The following RIPOR2 variants were observed in gnomAD, a reference collection of about 807,000 sequenced individuals.
RIPOR2 encodes RHO family interacting cell polarization regulator 2, also known as rho family-interacting cell polarization regulator 2.
In RIPOR2, 39 loss-of-function variants were observed where a neutral mutation model predicts 114.5. The ratio of observed to expected loss-of-function variants is 0.34; its 90% confidence interval spans 0.26 to 0.44. The LOEUF (loss-of-function observed/expected upper bound fraction) is 0.44. RIPOR2 is among the 20% of genes least tolerant of loss of function. The pLI is 1.00. For missense variants in RIPOR2, 1,007 were observed against 1,255.1 expected (o/e 0.80, Z 2.99); for synonymous variants, 445 against 484.4 (o/e 0.92, Z 1.07).
At chr6:25,016,875 G>GTATA (rs1776030405) in intron 1 of RIPOR2, among the ~76,000 whole-genome samples, 1 of 152,186 alleles carries the variant, frequency 6.6e-6, no homozygotes, top group Non-Finnish European at 1.5e-5. Flanking sequence ...TCCTCTCATT[G>GTATA]TATATATCTT....
intron 1 of RIPOR2, among the ~76,000 whole-genome samples, chr6:25,030,159 G>A (rs1776852365): frequency 6.6e-6 from 1 of 151,920 alleles, no homozygotes; most frequent in South Asian, 2.1e-4. Context: ...TCTTAAATGG[G>A]GGGAAAAGAT....
intron 1 of RIPOR2, among the ~76,000 whole-genome samples, chr6:24,890,837 G>A (rs552753556): frequency 3.3e-5 from 3 of 89,884 alleles, no homozygotes; most frequent in Non-Finnish European, 6.5e-5. Flanking sequence ...AAAATTGTTT[G>A]TAGAAATAGG....
At chr6:24,970,540 C>T (rs9461086) in intron 1 of RIPOR2, among the ~76,000 whole-genome samples, 6 of 152,120 alleles carry the variant, frequency 3.9e-5, no homozygotes, top group South Asian at 2.1e-4. Flanking sequence ...AGGAGGAACC[C>T]GAGAATACGG....
chr6:24,953,809 T>G (rs1466377252), intron 1 of RIPOR2, among the ~76,000 whole-genome samples: 2 of 152,250 alleles, frequency 1.3e-5, no homozygotes, highest in African/African-American at 4.8e-5. Context: ...TACATCTGCA[T>G]GACTGTCTCC....
At chr6:25,029,064 G>A (rs1186413492) in intron 1 of RIPOR2, among the ~76,000 whole-genome samples, 2 of 152,108 alleles carry the variant, frequency 1.3e-5, no homozygotes, top group African/African-American at 4.8e-5. Flanking sequence ...CGAGGCAGGT[G>A]GATCATGAAT....
intron 1 of RIPOR2, among the ~76,000 whole-genome samples, chr6:25,027,668 C>T (rs1277500037): frequency 1.3e-5 from 2 of 152,208 alleles, no homozygotes; most frequent in Non-Finnish European, 2.9e-5. Context: ...AAAGAGGGCC[C>T]CCCTCCCCTC....
intron 15 of RIPOR2, 25 bp from the exon 16 acceptor site, chr6:24,832,416 T>C: frequency 6.4e-7 from 1 of 1,550,936 alleles, no homozygotes. Context: ...AAAACTCCTG[T>C]TTCAATTATG....
rs551563528 is a variant in RIPOR2, at chr6:24,879,994, C to A, written c.62-4177G>T. 3.9e-5 allele frequency among the ~76,000 whole-genome samples: 6 copies of A among 152,208 alleles called. No individual in the cohort carries two copies. The South Asian group carries it at 1.2e-3, about 32-fold the overall frequency. On this transcript the variant is annotated intron_variant, in intron 1 of 21. Transcript: ENST00000643898. ...TGCTCCATTGAACCAAAAGCCTTAA[C>A]CTAAAGAAAGGACTACAGTAGAATT...
At chr6:24,840,208 T>C in intron 13 of RIPOR2, 1 of 979,268 alleles carries the variant, frequency 1.0e-6, no homozygotes, top group Non-Finnish European at 1.2e-6. Context: ...CTTCCCAAAG[T>C]GTTGGGATTA....
At chr6:24,829,308 C>T (rs981796546) in intron 17 of RIPOR2, among the ~76,000 whole-genome samples, 1 of 150,572 alleles carries the variant, frequency 6.6e-6, no homozygotes, top group African/African-American at 2.4e-5. Flanking sequence ...AGCGAGACTC[C>T]ATCTCAAAAT....
intron 1 of RIPOR2, chr6:24,910,439 C>G (rs1769442191): frequency 6.6e-6 from 1 of 152,424 alleles, no homozygotes; most frequent in Non-Finnish European, 1.5e-5. Context: ...CCACCCAGGA[C>G]TCCCATCTGG....
At chr6:24,810,187 T>A (rs1457299971) in intron 20 of RIPOR2, among the ~76,000 whole-genome samples, 1 of 152,122 alleles carries the variant, frequency 6.6e-6, no homozygotes, top group African/African-American at 2.4e-5. Context: ...TAGCTGAGTG[T>A]CTGAAACCCA....
intron 1 of RIPOR2, among the ~76,000 whole-genome samples, chr6:24,961,692 A>G (rs886551098): frequency 1.3e-5 from 2 of 151,222 alleles, no homozygotes; most frequent in South Asian, 2.1e-4. Context: ...CAGTGGCACA[A>G]TCTAAGCTCA....
intron 6 of RIPOR2, among the ~76,000 whole-genome samples, 159 bp from the exon 7 acceptor site, chr6:24,865,609 T>C (rs772581989): frequency 1.3e-5 from 2 of 152,214 alleles, no homozygotes; most frequent in Non-Finnish European, 2.9e-5. Flanking sequence ...GTTTTTATTG[T>C]AGCCACTGTG....
intron 1 of RIPOR2, among the ~76,000 whole-genome samples, chr6:24,877,937 G>C (rs962284952): frequency 1.3e-5 from 2 of 152,184 alleles, no homozygotes; most frequent in Non-Finnish European, 2.9e-5. Context: ...GGTAACTAAA[G>C]GTGACTTAGG....
chr6:24,923,313 A>G (rs576898375), intron 1 of RIPOR2, among the ~76,000 whole-genome samples: 4 of 152,316 alleles, frequency 2.6e-5, no homozygotes, highest in African/African-American at 9.6e-5. Context: ...GCTATTGTGA[A>G]CAATGCTGCT....
intron 1 of RIPOR2, among the ~76,000 whole-genome samples, chr6:24,984,185 G>A (rs1034659806): frequency 9.9e-5 from 15 of 152,210 alleles, no homozygotes; most frequent in Admixed American, 6.5e-4. Flanking sequence ...GTTGTCTCAC[G>A]CGTCCGTGTG....
intron 1 of RIPOR2, chr6:25,023,851 A>G: frequency 2.7e-6 from 2 of 732,330 alleles, no homozygotes; most frequent in South Asian, 2.7e-5. Flanking sequence ...GGGGGCTTTG[A>G]CCGGTTCCTA....
At chr6:24,932,961 A>G (rs1440999295) in intron 1 of RIPOR2, among the ~76,000 whole-genome samples, 5 of 152,166 alleles carry the variant, frequency 3.3e-5, no homozygotes, top group Admixed American at 3.3e-4. Flanking sequence ...GAATGCTCAG[A>G]GAATGTGTAA....
Sources: gnomAD v4.1 joint callset for allele counts (sites outside exome capture counted in the v4.1 genomes callset) on GRCh38, gnomAD v4.1.1 for gene constraint, MANE v1.5 for transcripts, NCBI Gene and HGNC (gene_info 2026-07-23, HGNC 2026-07-21) for gene names.